The following SUN2 variants were observed in gnomAD, a reference collection of about 807,000 sequenced individuals.
The protein encoded by SUN2 is Sad1 and UNC84 domain containing 2.
A neutral mutation model predicts 100.0 loss-of-function variants in SUN2; 60 were observed. That is an observed-to-expected ratio of 0.60 (90% confidence interval 0.49 to 0.74). The LOEUF is 0.74. Ranked by LOEUF, SUN2 falls within the 30% of genes least tolerant of loss-of-function variation. The pLI, the probability that SUN2 is intolerant of heterozygous loss-of-function variation, is 0.00. For missense variants in SUN2, 834 were observed against 954.6 expected (o/e 0.87, Z 1.66); for synonymous variants, 367 against 403.3 (o/e 0.91, Z 1.08).
Position 38,737,663 on chromosome 22 carries a change from C to T in SUN2, c.2040+510G>A. Reference sequence around the variant, plus strand: ...ACTCCAGGACTCCCCCGGTGTGGGGCTTAGGCCAATGGTTTGTTCAAATGC... The same window carrying T: ...ACTCCAGGACTCCCCCGGTGTGGGGTTTAGGCCAATGGTTTGTTCAAATGC... On this transcript the variant is annotated intron_variant, in intron 17 of 17. Coordinates refer to ENST00000689035, the MANE Select transcript of SUN2 (RefSeq NM_015374.3). This position sits in a 1 kb window ranked among gnomAD's most constrained non-coding sequence, Gnocchi z 4.1. 2.9e-6 allele frequency: 1 copy of T among 347,930 alleles called. No homozygotes were observed. The highest frequency in any genetic ancestry group is 2.2e-5 in the South Asian group (1 of 45,918). The allele number at this position is 347,930 out of a possible 1,614,324, so 21.6% of individuals were successfully genotyped here. A position where few individuals can be genotyped will look rare whatever the true frequency, so the allele number is the denominator to read the frequency against.
chr22:38,755,131 C>T lies in SUN2; in HGVS notation c.-38+632G>A, dbSNP rs181413699. 2 of 995,720 alleles carry T rather than the reference C, an allele frequency of 2.0e-6. No homozygotes were observed. Among genetic ancestry groups the T allele is most frequent in the Admixed American group, 7.0e-5 (2 of 28,452 alleles). The allele number at this position is 995,720 out of a possible 1,614,324, so 61.7% of individuals were successfully genotyped here. ...CCTTCCCCATCACAAACATCTCCAT[C>T]CATCTTCAGACTTAAACCAGATCTG... On this transcript the variant is annotated intron_variant, in intron 1 of 17. Transcript: ENST00000689035. The surrounding 1 kb of genome is among the most constrained non-coding windows in gnomAD (Gnocchi z 5.7).
chr22:38,740,203 C>A lies in SUN2; in HGVS notation c.1356+64G>T. On this transcript the variant is annotated intron_variant, in intron 12 of 17. Coordinates refer to ENST00000689035, the MANE Select transcript of SUN2 (RefSeq NM_015374.3). This position sits in a 1 kb window ranked among gnomAD's most constrained non-coding sequence, Gnocchi z 4.8. ...GGCAAGGGGTGCTGCTTTGCAGGCC[C>A]CAGGACACGTCGTCTCAAAGGAGGA... 1 of 1,468,750 alleles carries A rather than the reference C, an allele frequency of 6.8e-7. No individual in the cohort carries two copies. The highest frequency in any genetic ancestry group is 1.4e-5 in the South Asian group (1 of 71,846). 91.0% of individuals were successfully genotyped at this position (1,468,750 alleles called of 1,614,324 possible). A position where few individuals can be genotyped will look rare whatever the true frequency, so the allele number is the denominator to read the frequency against.
rs1883206 is a variant in SUN2 at position 38,748,742 on chromosome 22, G to T, written c.656C>A (p.Pro219Gln). 6.2e-7 allele frequency: 1 copy of T among 1,614,222 alleles called. No individual in the cohort carries two copies. The highest frequency in any genetic ancestry group is 1.1e-5 in the South Asian group (1 of 91,090). Reference protein sequence around the residue: ...SLKTFLWFLLPLLLLTCLTYG... With the variant: ...SLKTFLWFLLQLLLLTCLTYG... ...CGTCAGGCACGTCAGCAAGAGCAGC[G>T]GCAGCAGGAACCAGAGGAACGTCTT... Residue 219 changes from proline to glutamine, a missense_variant, in exon 7 of 18, where the codon CCG becomes CAG. By Grantham distance (76) the Pro-to-Gln change is moderately conservative. This residue lies in a region of SUN2 where 559 missense variants were observed against 597.7 expected (regional missense o/e 0.94). Transcript: ENST00000689035.
rs1202257613 is a variant in SUN2 at position 38,737,127 on chromosome 22, A to G, written c.2041-747T>C. On this transcript the variant is annotated intron_variant, in intron 17 of 17. Coordinates refer to ENST00000689035, the MANE Select transcript of SUN2 (RefSeq NM_015374.3). The surrounding 1 kb of genome is among the most constrained non-coding windows in gnomAD (Gnocchi z 4.1). ...CTTGCAAAGTGCTGGAATTACAGAC[A>G]TGAGCCACCTCGTCTGGCCTCTATA... Among the ~76,000 whole-genome samples the G allele has an allele frequency of 6.6e-6, 1 of 152,176 alleles. No homozygotes were observed. The highest frequency in any genetic ancestry group is 1.5e-5 in the Non-Finnish European group (1 of 68,032).
In SUN2 at chr22:38,755,092, T is replaced by A. The variant is rs1349703972; in HGVS notation, c.-38+671A>T. ...CCCACTTCTCAGCTGGGCGACTTCC[T>A]TTCTCAATTCCGCCCTTCCCCATCA... On this transcript the variant is annotated intron_variant, in intron 1 of 17. Coordinates refer to ENST00000689035, the MANE Select transcript of SUN2 (RefSeq NM_015374.3). This position sits in a 1 kb window ranked among gnomAD's most constrained non-coding sequence, Gnocchi z 5.7. 4.0e-6 allele frequency: 4 copies of A among 995,258 alleles called. No homozygotes were observed. In the Admixed American group the frequency reaches 1.3e-4, roughly 33 times the overall value. 61.7% of individuals were successfully genotyped at this position (995,258 alleles called of 1,614,324 possible).
Position 38,755,010 on chromosome 22 carries a change from C to G in SUN2, c.-38+753G>C. 1 of 1,256,882 alleles carries G rather than the reference C, an allele frequency of 8.0e-7. No individual in the cohort carries two copies. The allele number at this position is 1,256,882 out of a possible 1,614,324, so 77.9% of individuals were successfully genotyped here. A position where few individuals can be genotyped will look rare whatever the true frequency, so the allele number is the denominator to read the frequency against. ...CTGCGAATCATAATAGACACCACCC[C>G]CGCCCCACCTCCTCCCTAACAATCA... On this transcript the variant is annotated intron_variant, in intron 1 of 17. Transcript: ENST00000689035. This position sits in a 1 kb window ranked among gnomAD's most constrained non-coding sequence, Gnocchi z 5.7.
Position 38,738,481 on chromosome 22 carries a change from C to T in SUN2, c.1947+106G>A. On this transcript the variant is annotated intron_variant, in intron 16 of 17. Transcript: ENST00000689035. This position sits in a 1 kb window ranked among gnomAD's most constrained non-coding sequence, Gnocchi z 6.6. ...CCTAGCTCCTCCTCTTCCAAATCCA[C>T]TCCCCTCCCTTCCAGTCCAAGGGTG... 3 of 1,458,418 alleles carry T rather than the reference C, an allele frequency of 2.1e-6. No homozygotes were observed. Among genetic ancestry groups the T allele is most frequent in the Non-Finnish European group, 2.8e-6 (3 of 1,069,084 alleles). The allele number at this position is 1,458,418 out of a possible 1,614,324, so 90.3% of individuals were successfully genotyped here.
chr22:38,741,866 C>T (rs1009116813), intron 9 of SUN2, among the ~76,000 whole-genome samples: 2 of 152,198 alleles, frequency 1.3e-5, no homozygotes, highest in East Asian at 1.9e-4. Flanking sequence ...GGAGGCCTGG[C>T]GTGGTGGCTC....
intron 6 of SUN2, 71 bp from the exon 7 acceptor site, chr22:38,748,854 C>T: frequency 1.4e-6 from 2 of 1,458,964 alleles, no homozygotes; most frequent in Non-Finnish European, 1.9e-6. Context: ...CACGTTCCAC[C>T]CAGGGAGTAC....
rs776067745 is a variant in SUN2, at chr22:38,754,759, G to A, written c.-38+1004C>T. On this transcript the variant is annotated intron_variant, in intron 1 of 17. Coordinates refer to ENST00000689035, the MANE Select transcript of SUN2 (RefSeq NM_015374.3). ...ATGTTTATACCATACCCAAGCTGCC[G>A]CTGGGAAGAACTAAATATTCTGATG... is the stretch of plus-strand genomic sequence containing the variant. The A allele has an allele frequency of 4.1e-4, 524 of 1,285,694 alleles. 2 individuals carry two copies. Among genetic ancestry groups the A allele is most frequent in the Non-Finnish European group, 4.5e-4 (439 of 985,612 alleles). 79.6% of individuals were successfully genotyped at this position (1,285,694 alleles called of 1,614,324 possible).
At position 38,741,494 on chromosome 22, in the gene SUN2, C is replaced by T. The variant is rs1274509559; in HGVS notation, c.1146G>A (p.Gln382=). The stretch of plus-strand genomic sequence containing the variant: ...CCCTGAGTGCCGCAAGCCCGCTGAC[C>T]TGGGAGGCCCGGACGATCTTCTTGA... The part of the protein sequence containing the change: ...DLFKKIVRAS[Q]ESEARIQQLK... Residue 382 remains glutamine (Q), a splice_region_variant and synonymous_variant, in exon 10 of 18, where the codon CAG becomes CAA. Transcript: ENST00000689035. 6.2e-7 allele frequency: 1 copy of T among 1,613,918 alleles called. No individual in the cohort carries two copies. The highest frequency in any genetic ancestry group is 1.1e-5 in the South Asian group (1 of 91,084).
intron 9 of SUN2, 104 bp downstream of exon 9, chr22:38,742,197 A>C (rs1009716006): frequency 6.3e-5 from 89 of 1,407,078 alleles, no homozygotes; most frequent in Non-Finnish European, 8.3e-5. Flanking sequence ...AAAATGGCAG[A>C]GCTGTCTGAT....
chr22:38,748,645 G>T, intron 7 of SUN2, 68 bp downstream of exon 7: 1 of 1,584,926 alleles, frequency 6.3e-7, no homozygotes, highest in Non-Finnish European at 8.7e-7. Flanking sequence ...TTCCCTGCCT[G>T]CCAAAGGTCA....
intron 8 of SUN2, 61 bp downstream of exon 8, chr22:38,745,623 C>T (rs2092897898): frequency 6.3e-7 from 1 of 1,595,104 alleles, no homozygotes; most frequent in Admixed American, 1.7e-5. Flanking sequence ...GCGCACCCAC[C>T]ACTTTCACCG....
intron 2 of SUN2, among the ~76,000 whole-genome samples, chr22:38,752,195 ATCC>A (rs2092950413): frequency 2.0e-5 from 3 of 152,084 alleles, no homozygotes; most frequent in Non-Finnish European, 2.9e-5. Context: ...GGGTCAGGTG[ATCC>A]ACCTCCCTTG....
chr22:38,735,055 C>T lies in SUN2; in HGVS notation c.*1212G>A, dbSNP rs986092839. 20 of 326,240 alleles carry T rather than the reference C, an allele frequency of 6.1e-5. No individual in the cohort carries two copies. Among genetic ancestry groups the T allele is most frequent in the Non-Finnish European group, 8.4e-5 (14 of 165,704 alleles). 20.2% of individuals were successfully genotyped at this position (326,240 alleles called of 1,614,324 possible). On this transcript the variant is annotated 3_prime_UTR_variant, in exon 18 of 18. Coordinates refer to ENST00000689035, the MANE Select transcript of SUN2 (RefSeq NM_015374.3). The stretch of plus-strand genomic sequence containing the variant: ...GAGTATCACCCAGTGCCCCACAGAA[C>T]GGGGCTAGGAATCAAGCCCTTAGCT...
At position 38,741,497 on chromosome 22, in the gene SUN2, G is replaced by T; in HGVS notation, c.1143C>A (p.Ser381=). The change falls in exon 10 of 18, where the codon TCC becomes TCA. Residue 381 remains serine (S), a synonymous_variant. Transcript: ENST00000689035. ...EDLFKKIVRA[S]QESEARIQQL... ...TGAGTGCCGCAAGCCCGCTGACCTGGGAGGCCCGGACGATCTTCTTGAAGA... is the reference window on the plus strand; with the variant it reads ...TGAGTGCCGCAAGCCCGCTGACCTGTGAGGCCCGGACGATCTTCTTGAAGA... The T allele has an allele frequency of 6.2e-7, 1 of 1,613,896 alleles. No individual in the cohort carries two copies. Among genetic ancestry groups the T allele is most frequent in the Non-Finnish European group, 8.5e-7 (1 of 1,180,030 alleles).
Position 38,736,383 on chromosome 22 carries a change from G to C in SUN2, c.2041-3C>G. The C allele has an allele frequency of 6.2e-7, 1 of 1,609,858 alleles. No individual in the cohort carries two copies. Among genetic ancestry groups the C allele is most frequent in the South Asian group, 1.1e-5 (1 of 90,648 alleles). On this transcript the variant is annotated splice_polypyrimidine_tract_variant and splice_region_variant and intron_variant, in intron 17 of 17. Coordinates refer to ENST00000689035, the MANE Select transcript of SUN2 (RefSeq NM_015374.3). Reference sequence around the variant, plus strand: ...TGGTACGTGGCCATCGTAGGGGCCTGGGTAGAGAAGAAAGGGATTAAGAGC... The same window carrying C: ...TGGTACGTGGCCATCGTAGGGGCCTCGGTAGAGAAGAAAGGGATTAAGAGC...
Position 38,738,650 on chromosome 22 carries a change from A to C in SUN2, c.1884T>G (p.His628Gln). 1 of 1,614,052 alleles carries C rather than the reference A, an allele frequency of 6.2e-7. No individual in the cohort carries two copies. Among genetic ancestry groups the C allele is most frequent in the Non-Finnish European group, 8.5e-7 (1 of 1,180,022 alleles). ...RIRPTAVTLE[H>Q]VPKALSPNST... ...TGTTGGGTGACAAGGCCTTGGGCACATGCTCTAAGGTAACGGCTGTGGGGC... is the reference window on the plus strand; with the variant it reads ...TGTTGGGTGACAAGGCCTTGGGCACCTGCTCTAAGGTAACGGCTGTGGGGC... The change falls in exon 16 of 18, where the codon CAT becomes CAG. Residue 628 changes from histidine (H) to glutamine (Q), a missense_variant. His to Gln is a conservative substitution (Grantham distance 24). This residue lies in a region of SUN2 where 195 missense variants were observed against 280.2 expected (regional missense o/e 0.70). Transcript: ENST00000689035. This position sits in a 1 kb window ranked among gnomAD's most constrained non-coding sequence, Gnocchi z 6.6.
Sources: allele counts gnomAD v4.1 joint callset (sites outside exome capture counted in the v4.1 genomes callset), GRCh38; gene constraint gnomAD v4.1.1; regional missense constraint gnomAD v4.1.1; non-coding constraint Gnocchi (gnomAD v3.1); transcripts MANE v1.5; gene names NCBI Gene and HGNC (gene_info 2026-07-23, HGNC 2026-07-21).